PHF14: variants seen among roughly 807,000 people sequenced by gnomAD.
The protein encoded by PHF14 is PHD finger protein 14.
PHF14 carries 55 observed loss-of-function variants against 117.9 expected under a neutral mutation model. That is an observed-to-expected ratio of 0.47 (90% confidence interval 0.38 to 0.58). PHF14 has a LOEUF of 0.58. PHF14 is among the 20% of genes least tolerant of loss of function. PHF14 has a pLI of 0.00. For synonymous variants in PHF14, 409 were observed against 368.6 expected (o/e 1.11, Z -1.26); for missense variants, 978 against 1,122.2 (o/e 0.87, Z 1.84).
chr7:11,127,124 A>G (rs2128347730), intron 17 of PHF14, among the ~76,000 whole-genome samples: 1 of 151,920 alleles, frequency 6.6e-6, no homozygotes, highest in Middle Eastern at 3.4e-3. Flanking sequence ...TTTTTTTTAA[A>G]TATCAAAGTC....
chr7:10,988,016 C>CAAAAAAAAAAAAAA (rs60714759), intron 3 of PHF14, among the ~76,000 whole-genome samples: 1 of 115,644 alleles, frequency 8.6e-6, no homozygotes, highest in Admixed American at 9.6e-5. Context: ...AACTCCTTCT[C>CAAAAAAAAAAAAAA]AAAAAAAAAA....
At chr7:11,043,210 G>A (rs1055151781) in intron 13 of PHF14, among the ~76,000 whole-genome samples, 1 of 151,056 alleles carries the variant, frequency 6.6e-6, no homozygotes, top group African/African-American at 2.4e-5. Context: ...CTTTACTTCT[G>A]GTATTTGGTA....
At chr7:11,168,178 G>GA (rs1789265660) in intron 17 of PHF14, among the ~76,000 whole-genome samples, 1 of 152,056 alleles carries the variant, frequency 6.6e-6, no homozygotes, top group African/African-American at 2.4e-5. Flanking sequence ...ATCATACTTG[G>GA]AAAAATATAT....
At chr7:11,118,368 G>T (rs1240606118) in intron 17 of PHF14, among the ~76,000 whole-genome samples, 1 of 151,782 alleles carries the variant, frequency 6.6e-6, no homozygotes, top group Admixed American at 6.6e-5. Flanking sequence ...CTAAGTTCAG[G>T]CAGTTGCTAA....
chr7:11,153,160 G>A (rs1788748241), intron 17 of PHF14, among the ~76,000 whole-genome samples: 1 of 152,180 alleles, frequency 6.6e-6, no homozygotes, highest in South Asian at 2.1e-4. Context: ...AAGCAAGGAG[G>A]CTGATTAGGA....
At chr7:10,986,768 A>G (rs991472592) in intron 3 of PHF14, among the ~76,000 whole-genome samples, 3 of 152,102 alleles carry the variant, frequency 2.0e-5, no homozygotes, top group Non-Finnish European at 4.4e-5. Context: ...GCAGTGTACT[A>G]TTTTCAGAAA....
chr7:11,158,400 C>T (rs1283646598), intron 17 of PHF14, among the ~76,000 whole-genome samples: 3 of 152,056 alleles, frequency 2.0e-5, no homozygotes, highest in African/African-American at 4.8e-5. Context: ...TAGGTGATGT[C>T]GCTTCTCTGT....
At chr7:11,060,783 T>C (rs1785196672) in intron 14 of PHF14, among the ~76,000 whole-genome samples, 2 of 152,176 alleles carry the variant, frequency 1.3e-5, no homozygotes, top group Non-Finnish European at 2.9e-5. Context: ...ATTGGCAATA[T>C]AAATGTAAAC....
chr7:11,090,765 G>A (rs1004859074), intron 16 of PHF14, among the ~76,000 whole-genome samples: 2 of 152,160 alleles, frequency 1.3e-5, no homozygotes, highest in African/African-American at 2.4e-5. Context: ...AGATTTTTAT[G>A]TAGAGGGTTT....
chr7:11,157,402 T>A (rs1213572715), intron 17 of PHF14, among the ~76,000 whole-genome samples: 2 of 140,972 alleles, frequency 1.4e-5, no homozygotes, highest in African/African-American at 2.8e-5. Flanking sequence ...AAAAAAAAAA[T>A]AGGTGTTGAT....
chr7:10,991,095 A>G (rs1583336496), intron 4 of PHF14, among the ~76,000 whole-genome samples: 1 of 152,126 alleles, frequency 6.6e-6, no homozygotes, highest in African/African-American at 2.4e-5. Flanking sequence ...GGTTCAAGCG[A>G]TTCTGCTGCC....
At chr7:10,979,291 C>T (rs1781975691) in intron 2 of PHF14, among the ~76,000 whole-genome samples, 1 of 151,970 alleles carries the variant, frequency 6.6e-6, no homozygotes, top group Admixed American at 6.6e-5. Flanking sequence ...CATTACCACT[C>T]AGAGGAGTTT....
intron 14 of PHF14, among the ~76,000 whole-genome samples, chr7:11,052,522 C>T (rs1422084938): frequency 6.6e-6 from 1 of 152,084 alleles, no homozygotes. Context: ...TGCTAAGTTA[C>T]AGACTATCTG....
chr7:11,079,287 T>TC (rs2128335784), intron 16 of PHF14, among the ~76,000 whole-genome samples: 1 of 152,312 alleles, frequency 6.6e-6, no homozygotes, highest in East Asian at 1.9e-4. Flanking sequence ...AGCTGGCTTT[T>TC]GCCATGGCAT....
intron 16 of PHF14, among the ~76,000 whole-genome samples, chr7:11,078,214 ATAT>A (rs1785941951): frequency 6.6e-6 from 1 of 152,024 alleles, no homozygotes; most frequent in Non-Finnish European, 1.5e-5. Context: ...TTTTCCCTTA[ATAT>A]TGTTGACATA....
At chr7:11,117,666 A>G (rs985105172) in intron 17 of PHF14, among the ~76,000 whole-genome samples, 1 of 148,684 alleles carries the variant, frequency 6.7e-6, no homozygotes, top group African/African-American at 2.5e-5. Context: ...TAAAACAGTC[A>G]TTGAGAATTT....
chr7:11,001,666 T>A (rs2353339), intron 4 of PHF14, among the ~76,000 whole-genome samples: 1 of 152,204 alleles, frequency 6.6e-6, no homozygotes, highest in African/African-American at 2.4e-5. Flanking sequence ...ATTTCAATTC[T>A]ACTTGTTCAT....
At chr7:11,008,470 T>C (rs994677253) in intron 4 of PHF14, among the ~76,000 whole-genome samples, 3 of 152,132 alleles carry the variant, frequency 2.0e-5, no homozygotes, top group South Asian at 2.1e-4. Context: ...AGTGGCAGCA[T>C]TGGATTCTCC....
intron 13 of PHF14, among the ~76,000 whole-genome samples, chr7:11,045,127 T>A (rs530568852): frequency 1.3e-5 from 2 of 152,196 alleles, no homozygotes; most frequent in Non-Finnish European, 1.5e-5. Flanking sequence ...TTAGGAGTAT[T>A]TGTACTGTAG....
Sources: gnomAD v4.1 joint callset for allele counts (sites outside exome capture counted in the v4.1 genomes callset) on GRCh38, gnomAD v4.1.1 for gene constraint, MANE v1.5 for transcripts, NCBI Gene and HGNC (gene_info 2026-07-23, HGNC 2026-07-21) for gene names.